The following MCM8 variants were observed in gnomAD, a reference collection of about 807,000 sequenced individuals.
MCM8 encodes minichromosome maintenance 8 homologous recombination repair factor, also known as DNA helicase MCM8.
Under a neutral mutation model 98.9 loss-of-function variants are expected in MCM8, and 85 were observed. The ratio of observed to expected loss-of-function variants is 0.86; its 90% CI spans 0.72 to 1.03. The LOEUF is 1.03. Ranked by LOEUF, MCM8 falls within the 50% of genes least tolerant of loss-of-function variation. The probability of loss-of-function intolerance (pLI) is 0.00; values close to 1 mark genes in which losing one functional copy is unlikely to be tolerated. For synonymous variants in MCM8, 352 were observed against 338.6 expected (o/e 1.04, Z -0.44); for missense variants, 951 against 997.8 (o/e 0.95, Z 0.63).
rs1311634868 is a variant in MCM8, at chr20:5,958,613, G to A, written c.676G>A (p.Val226Ile). The A allele has an allele frequency of 1.2e-6, 2 of 1,614,096 alleles. No individual in the cohort carries two copies. The highest frequency in any genetic ancestry group is 1.1e-5 in the South Asian group (1 of 91,082). ...ATACATTGCTCTAAGAGGGACAGTGGTTCGTGTCAGTAATATAAAGCCTCT... is the reference window on the plus strand; with the variant it reads ...ATACATTGCTCTAAGAGGGACAGTGATTCGTGTCAGTAATATAAAGCCTCT... ...GKYIALRGTV[V>I]RVSNIKPLCT... The change falls in exon 7 of 19, where the codon GTT (valine) becomes ATT (isoleucine). Residue 226 changes from valine (V) to isoleucine (I), a missense_variant. Coordinates refer to ENST00000610722, the MANE Select transcript of MCM8 (RefSeq NM_032485.6).
rs1255491783 is a variant in MCM8, at chr20:5,994,441, A to G, written c.*50A>G. ...CCTGGGTTTATTGCAGATTAAAGCC[A>G]TCTCAGTGAAGATATGCGTGCACGC... On this transcript the variant is annotated 3_prime_UTR_variant, in exon 19 of 19. Transcript: ENST00000610722. 2.5e-6 allele frequency: 3 copies of G among 1,205,656 alleles called. No individual in the cohort carries two copies. The African/African-American group carries it at 4.6e-5, about 19-fold the overall frequency. 74.7% of individuals were successfully genotyped at this position (1,205,656 alleles called of 1,614,324 possible).
rs1029546612 is a variant in MCM8 at position 5,982,956 on chromosome 20, T to C, written c.1538-14T>C. ...AAAAAATGTTTTTTCTGCTTTATTC[T>C]ACTTCGATTGTAGGTATTTGTGGAA... On this transcript the variant is annotated splice_polypyrimidine_tract_variant and intron_variant, in intron 13 of 18. Transcript: ENST00000610722. 2 of 1,599,806 alleles carry C rather than the reference T, an allele frequency of 1.3e-6. No homozygotes were observed. Among genetic ancestry groups the C allele is most frequent in the Non-Finnish European group, 1.7e-6 (2 of 1,175,952 alleles).
chr20:5,972,520 T>G, intron 11 of MCM8: 1 of 305,090 alleles, frequency 3.3e-6, no homozygotes, highest in Admixed American at 4.8e-5. Flanking sequence ...GAAAAAACTT[T>G]TACCAACTAG....
chr20:5,994,928 T>A lies in MCM8; in HGVS notation c.*537T>A. On this transcript the variant is annotated 3_prime_UTR_variant, in exon 19 of 19. Coordinates refer to ENST00000610722, the MANE Select transcript of MCM8 (RefSeq NM_032485.6). ...TCTTGACTCAAAAAAATAAAAAAAA[T>A]TGTAGTGGTAGCCATGTGTTAATTG... 1 of 177,026 alleles carries A rather than the reference T, an allele frequency of 5.6e-6. No individual in the cohort carries two copies. The highest frequency in any genetic ancestry group is 1.2e-5 in the Non-Finnish European group (1 of 81,468). 11.0% of individuals were successfully genotyped at this position (177,026 alleles called of 1,614,324 possible). A position where few individuals can be genotyped will look rare whatever the true frequency, so the allele number is the denominator to read the frequency against.
rs374241524 is a variant in MCM8, at chr20:5,986,149, G to A, written c.2163+18G>A. The A allele has an allele frequency of 2.5e-6, 4 of 1,612,704 alleles. No homozygotes were observed. The highest frequency in any genetic ancestry group is 1.7e-5 in the Admixed American group (1 of 59,930). Reference sequence around the variant, plus strand: ...TGACAGAGGTTTGTTTCTTTTTATGGTCATGCTTTTTTTGGCTTAAAGGGG... The same window carrying A: ...TGACAGAGGTTTGTTTCTTTTTATGATCATGCTTTTTTTGGCTTAAAGGGG... On this transcript the variant is annotated intron_variant, in intron 16 of 18. Coordinates refer to ENST00000610722, the MANE Select transcript of MCM8 (RefSeq NM_032485.6).
chr20:5,970,264 A>G (rs1600270561), intron 10 of MCM8, among the ~76,000 whole-genome samples: 1 of 152,332 alleles, frequency 6.6e-6, no homozygotes, highest in Middle Eastern at 3.4e-3. Context: ...TTGTCAACCC[A>G]GCCTAGGTGA....
chr20:5,984,954 C>G lies in MCM8; in HGVS notation c.1907C>G (p.Ser636Cys). Residue 636 changes from serine to cysteine, a missense_variant, in exon 15 of 19, where the codon TCC (serine) becomes TGC (cysteine). Ser to Cys is a moderately radical substitution (Grantham distance 112). Transcript: ENST00000610722. ...ARMNSQDSNT[S>C]VLEVVSEKPL... ...ATGAATAGTCAAGATTCAAATACTT[C>G]CGTACTTGAAGTAGTTTCTGAGAAG... The G allele has an allele frequency of 6.2e-7, 1 of 1,613,970 alleles. No homozygotes were observed. Among genetic ancestry groups the G allele is most frequent in the Non-Finnish European group, 8.5e-7 (1 of 1,179,934 alleles).
intron 9 of MCM8, 29 bp from the exon 10 acceptor site, chr20:5,967,801 C>G (rs1353644012): frequency 6.5e-7 from 1 of 1,542,002 alleles, no homozygotes; most frequent in African/African-American, 1.4e-5. Context: ...AAAATACCAA[C>G]TATTGTATTT....
rs996580814 is a variant in MCM8 at position 5,996,575 on chromosome 20, T to A, written c.*2184T>A. 14 of 152,036 alleles carry A rather than the reference T, an allele frequency of 9.2e-5. No homozygotes were observed. The highest frequency in any genetic ancestry group is 2.7e-4 in the African/African-American group (11 of 41,380). 9.4% of individuals were successfully genotyped at this position (152,036 alleles called of 1,614,324 possible). ...AATCTATTAATAGAATTTAAAACAT[T>A]TCACAAAAGTCAACACATAAATAAT... On this transcript the variant is annotated 3_prime_UTR_variant, in exon 19 of 19. Coordinates refer to ENST00000610722, the MANE Select transcript of MCM8 (RefSeq NM_032485.6).
intron 18 of MCM8, 125 bp from the exon 19 acceptor site, chr20:5,994,174 A>G: frequency 1.9e-6 from 1 of 536,644 alleles, no homozygotes; most frequent in Non-Finnish European, 3.2e-6. Context: ...CTCTGTAAGA[A>G]ATAAAAATAA....
At chr20:5,977,846 A>T (rs746465913) in intron 12 of MCM8, 30 bp from the exon 13 acceptor site, 1 of 1,609,764 alleles carries the variant, frequency 6.2e-7, no homozygotes, top group South Asian at 1.1e-5. Context: ...TTTACTTTGG[A>T]TGATTCTCTT....
At position 5,998,029 on chromosome 20, in the gene MCM8, C is replaced by G. The variant is rs2089980308; in HGVS notation, c.*3638C>G. On this transcript the variant is annotated 3_prime_UTR_variant, in exon 19 of 19. Transcript: ENST00000610722. The stretch of plus-strand genomic sequence containing the variant: ...CTGTGATTGATGGATCTTTATAGCT[C>G]TCCTTTGATAAAGAAGGGAAATATC... 6.6e-6 allele frequency: 1 copy of G among 152,170 alleles called. No individual in the cohort carries two copies. Among genetic ancestry groups the G allele is most frequent in the Admixed American group, 6.5e-5 (1 of 15,286 alleles). 9.4% of individuals were successfully genotyped at this position (152,170 alleles called of 1,614,324 possible). A position where few individuals can be genotyped will look rare whatever the true frequency, so the allele number is the denominator to read the frequency against.
At position 5,952,545 on chromosome 20, in the gene MCM8, A is replaced by G. The variant is rs773794413; in HGVS notation, c.253+17A>G. On this transcript the variant is annotated intron_variant, in intron 3 of 18. Coordinates refer to ENST00000610722, the MANE Select transcript of MCM8 (RefSeq NM_032485.6). The stretch of plus-strand genomic sequence containing the variant: ...TCTCTGAAGGTAGGGTTTAAAAAGT[A>G]CAAAAAAGCACCATAAATCATATTT... 4 of 1,584,272 alleles carry G rather than the reference A, an allele frequency of 2.5e-6. No homozygotes were observed. Among genetic ancestry groups the G allele is most frequent in the Non-Finnish European group, 3.5e-6 (4 of 1,156,754 alleles).
At chr20:5,981,790 C>T (rs2089635473) in intron 13 of MCM8, among the ~76,000 whole-genome samples, 1 of 152,104 alleles carries the variant, frequency 6.6e-6, no homozygotes, top group South Asian at 2.1e-4. Flanking sequence ...ATGAAAATTT[C>T]CCATGAGTGT....
intron 2 of MCM8, 52 bp from the exon 3 acceptor site, chr20:5,952,372 T>G: frequency 8.2e-6 from 13 of 1,591,146 alleles, no homozygotes; most frequent in Non-Finnish European, 1.1e-5. Context: ...GAGAAGCATA[T>G]TGGAAAAATG....
chr20:5,957,180 T>C lies in MCM8; in HGVS notation c.541T>C (p.Leu181=), dbSNP rs755508302. 5.0e-6 allele frequency: 8 copies of C among 1,613,548 alleles called. No individual in the cohort carries two copies. In the East Asian group the frequency reaches 1.1e-4, roughly 22 times the overall value. ...HAAELQAQEG[L]SNDGETMVNV... is the part of the protein sequence containing the mutation. ...AGCTGAGTTACAAGCCCAGGAAGGA[T>C]TGTCTAATGATGGAGAAACAATGGT... Residue 181 remains leucine (L), a synonymous_variant, in exon 6 of 19, where the codon TTG becomes CTG. Coordinates refer to ENST00000610722, the MANE Select transcript of MCM8 (RefSeq NM_032485.6).
At chr20:5,953,783 T>G (rs2088898112) in intron 3 of MCM8, among the ~76,000 whole-genome samples, 1 of 151,918 alleles carries the variant, frequency 6.6e-6, no homozygotes, top group East Asian at 1.9e-4. Context: ...GCATACTTTT[T>G]TTTTTTAGGA....
At chr20:5,975,314 T>C (rs1272894849) in intron 12 of MCM8, among the ~76,000 whole-genome samples, 1 of 151,318 alleles carries the variant, frequency 6.6e-6, no homozygotes, top group Non-Finnish European at 1.5e-5. Flanking sequence ...AAGATGCAAG[T>C]GGGGATCTGA....
chr20:5,954,805 G>A (rs2088930531), intron 4 of MCM8, 115 bp downstream of exon 4: 2 of 643,424 alleles, frequency 3.1e-6, no homozygotes, highest in Non-Finnish European at 5.4e-6. Flanking sequence ...TCAGACCTCA[G>A]TTCTGCCACT....
Sources: gnomAD v4.1 joint callset for allele counts (sites outside exome capture counted in the v4.1 genomes callset) on GRCh38, gnomAD v4.1.1 for gene constraint, MANE v1.5 for transcripts, NCBI Gene and HGNC (gene_info 2026-07-23, HGNC 2026-07-21) for gene names.